The following KNDC1 variants were observed in gnomAD, a reference collection of about 807,000 sequenced individuals.
KNDC1 encodes the protein kinase non-catalytic C-lobe domain containing 1.
In KNDC1, 106 loss-of-function variants were observed where a neutral mutation model predicts 172.8. The ratio of observed to expected loss-of-function variants is 0.61; its 90% CI spans 0.52 to 0.72. KNDC1 has a LOEUF of 0.72. Ranked by LOEUF, KNDC1 falls within the 30% of genes least tolerant of loss-of-function variation. The probability of loss-of-function intolerance (pLI) is 0.00; values close to 1 mark genes in which losing one functional copy is unlikely to be tolerated. For synonymous variants in KNDC1, 1,083 were observed against 1,062.2 expected (o/e 1.02, Z -0.38); for missense variants, 2,325 against 2,394.5 (o/e 0.97, Z 0.61).
At position 133,195,717 on chromosome 10, in the gene KNDC1, C is replaced by G; in HGVS notation, c.1630C>G (p.Pro544Ala). ...VLWTAAKFSVPRNHKLALPRR... is the reference protein window; with the variant it reads ...VLWTAAKFSVARNHKLALPRR... Reference sequence around the variant, plus strand: ...GTGGACCGCAGCCAAGTTCAGCGTCCCCCGCAACCACAAGCTGGCCCTGCC... The same window carrying G: ...GTGGACCGCAGCCAAGTTCAGCGTCGCCCGCAACCACAAGCTGGCCCTGCC... The change falls in exon 10 of 30, where the codon CCC becomes GCC. Residue 544 changes from proline (P) to alanine (A), a missense_variant. Transcript: ENST00000304613. 1 of 1,612,784 alleles carries G rather than the reference C, an allele frequency of 6.2e-7. No homozygotes were observed. The highest frequency in any genetic ancestry group is 8.5e-7 in the Non-Finnish European group (1 of 1,179,770).
rs754313442 is a variant in KNDC1, at chr10:133,167,598, T to TGGC, written c.301+31_301+33dup. The TGGC allele has an allele frequency of 7.7e-6, 12 of 1,558,944 alleles. No individual in the cohort carries two copies. The highest frequency in any genetic ancestry group is 1.4e-5 in the African/African-American group (1 of 73,012). ...CTCAGCGGTGAGGCGGCGGTGGCGG[T>TGGC]GGCGGCGGCGGCGGGCACGCGGGGT... On this transcript the variant is annotated intron_variant, in intron 2 of 29. Coordinates refer to ENST00000304613, the MANE Select transcript of KNDC1 (RefSeq NM_152643.8).
In KNDC1 at chr10:133,186,585, C is replaced by T. The variant is rs1853925874; in HGVS notation, c.1237C>T (p.Arg413Ter). 1.9e-6 allele frequency: 3 copies of T among 1,606,156 alleles called. No individual in the cohort carries two copies. The highest frequency in any genetic ancestry group is 1.7e-6 in the Non-Finnish European group (2 of 1,179,882). ...GCCAGCAGAGGCCCCTGCAGACCCTCGAGATGCTAGCGGTGAAGCCCAGAC... is the reference window on the plus strand; with the variant it reads ...GCCAGCAGAGGCCCCTGCAGACCCTTGAGATGCTAGCGGTGAAGCCCAGAC... The part of the protein sequence containing the change: ...QGPAEAPADP[R>*]DASGEAQTPR... Residue 413 changes from arginine to a stop codon, truncating the protein, a stop_gained, in exon 6 of 30, where the codon CGA (arginine) becomes TGA (stop). Coordinates refer to ENST00000304613, the MANE Select transcript of KNDC1 (RefSeq NM_152643.8). LOFTEE classifies it high-confidence loss of function.
Position 133,181,834 on chromosome 10 carries a change from C to CACACA in KNDC1, c.361-1510_361-1509insACACA, listed in dbSNP as rs1564881077. On this transcript the variant is annotated intron_variant, in intron 3 of 29. Coordinates refer to ENST00000304613, the MANE Select transcript of KNDC1 (RefSeq NM_152643.8). Reference sequence around the variant, plus strand: ...CCAGACCAGGAAGCCCCAGGACCGTCCACACACACACACACACACACACAC... The same window carrying CACACA: ...CCAGACCAGGAAGCCCCAGGACCGTCACACACACACACACACACACACACACACAC... 3.0e-3 allele frequency among the ~76,000 whole-genome samples: 417 copies of CACACA among 138,888 alleles called. 2 individuals carry two copies. The highest frequency in any genetic ancestry group is 7.0e-3 in the African/African-American group (272 of 38,858). The allele number at this position is 138,888 out of a possible 152,430, so 91.1% of individuals were successfully genotyped here.
At position 133,182,722 on chromosome 10, in the gene KNDC1, T is replaced by G. The variant is rs533026863; in HGVS notation, c.361-622T>G. 9.2e-5 allele frequency among the ~76,000 whole-genome samples: 14 copies of G among 152,398 alleles called. No homozygotes were observed. The East Asian group carries it at 2.7e-3, about 29-fold the overall frequency. Reference sequence around the variant, plus strand: ...TCCAGTTTTTGAGGTTTTGAAGTTTTTGACCTAAACACTGAAAGGCCAGAG... The same window carrying G: ...TCCAGTTTTTGAGGTTTTGAAGTTTGTGACCTAAACACTGAAAGGCCAGAG... On this transcript the variant is annotated intron_variant, in intron 3 of 29. Transcript: ENST00000304613.
chr10:133,176,443 G>C lies in KNDC1; in HGVS notation c.361-6901G>C, dbSNP rs1197839362. ...TCAAGGCTGTGGGAATCACTGTTGA[G>C]AGCATGATCCCAGGAGGGTTGTTGC... On this transcript the variant is annotated intron_variant, in intron 3 of 29. Coordinates refer to ENST00000304613, the MANE Select transcript of KNDC1 (RefSeq NM_152643.8). Among the ~76,000 whole-genome samples, 4 of 152,140 alleles carry C rather than the reference G, an allele frequency of 2.6e-5. No homozygotes were observed. In the South Asian group the frequency reaches 8.3e-4, roughly 31 times the overall value.
intron 7 of KNDC1, among the ~76,000 whole-genome samples, chr10:133,188,967 CTG>C (rs1435297182): frequency 6.6e-6 from 1 of 152,046 alleles, no homozygotes; most frequent in Non-Finnish European, 1.5e-5. Flanking sequence ...AAACCGGTGA[CTG>C]TGCCGTAAAG....
intron 17 of KNDC1, chr10:133,202,562 C>T (rs764090072): frequency 6.6e-6 from 3 of 454,536 alleles, no homozygotes; most frequent in Non-Finnish European, 1.3e-5. Flanking sequence ...GGCCCAGTGG[C>T]CATCAGCTCC....
In KNDC1 at chr10:133,224,812, CT is replaced by C; in HGVS notation, c.5174del (p.Phe1725SerfsTer20). 2 of 1,614,164 alleles carry C rather than the reference CT, an allele frequency of 1.2e-6. No homozygotes were observed. The highest frequency in any genetic ancestry group is 1.7e-6 in the Non-Finnish European group (2 of 1,180,046). ...CACTCGCCGCAGATAGCAGGGCCAACTTCCACCAGGTCTCCAGCGAGAAGCA... is the reference window on the plus strand; with the variant it reads ...CACTCGCCGCAGATAGCAGGGCCAACTCCACCAGGTCTCCAGCGAGAAGCA... ...STLAADSRAN[F>X]HQVSSEKHSR... On this transcript the variant is annotated frameshift_variant, in exon 30 of 30. Transcript: ENST00000304613. LOFTEE classifies it high-confidence loss of function. The surrounding 1 kb of genome is among the most constrained non-coding windows in gnomAD (Gnocchi z 5.4).
At chr10:133,188,416 TG>T (rs939367675) in intron 6 of KNDC1, 122 bp from the exon 7 acceptor site, 3 of 629,680 alleles carry the variant, frequency 4.8e-6, no homozygotes, top group Non-Finnish European at 2.8e-6. Context: ...CTATCAGGTG[TG>T]GGGGGCGCCT....
chr10:133,185,327 G>A (rs1388463940), intron 5 of KNDC1, among the ~76,000 whole-genome samples: 2 of 143,592 alleles, frequency 1.4e-5, no homozygotes, highest in African/African-American at 2.6e-5. Context: ...TGTACAGTGT[G>A]GAGTAGGCAG....
chr10:133,198,291 T>C, intron 12 of KNDC1, 46 bp from the exon 13 acceptor site: 1 of 1,501,786 alleles, frequency 6.7e-7, no homozygotes, highest in Non-Finnish European at 8.9e-7. Context: ...CGGCACGTGC[T>C]GGGGCCACTC....
At chr10:133,207,035 T>G in intron 19 of KNDC1, 82 bp downstream of exon 19, 2 of 1,545,880 alleles carry the variant, frequency 1.3e-6, no homozygotes, top group Non-Finnish European at 1.8e-6. Context: ...TGTAAATCTG[T>G]CCGTGTGAAG....
chr10:133,194,381 A>T (rs1429708466), intron 9 of KNDC1, among the ~76,000 whole-genome samples: 1 of 152,162 alleles, frequency 6.6e-6, no homozygotes, highest in African/African-American at 2.4e-5. Context: ...CATATGGCGA[A>T]CCAGGATTTT....
chr10:133,205,619 G>A (rs921699095), intron 17 of KNDC1, among the ~76,000 whole-genome samples: 10 of 152,246 alleles, frequency 6.6e-5, no homozygotes, highest in Non-Finnish European at 1.5e-4. Context: ...AGGGTTTTTG[G>A]GGGCCTCGTC....
intron 5 of KNDC1, 100 bp from the exon 6 acceptor site, chr10:133,185,856 GAGGTGGGAGGGGAGGGGT>G (rs1853885101): frequency 3.8e-4 from 133 of 346,378 alleles, no homozygotes; most frequent in South Asian, 8.7e-4. Flanking sequence ...GGGGAGGGGA[GAGGTGGGAGGGGAGGGGT>G]GGGAGGAGAG....
At chr10:133,187,210 G>A (rs373235745) in intron 6 of KNDC1, among the ~76,000 whole-genome samples, 4 of 152,238 alleles carry the variant, frequency 2.6e-5, no homozygotes, top group Non-Finnish European at 4.4e-5. Flanking sequence ...GCGGCTGCCC[G>A]GACGTGGCCT....
At chr10:133,196,111 G>A (rs1854184312) in intron 10 of KNDC1, among the ~76,000 whole-genome samples, 1 of 152,226 alleles carries the variant, frequency 6.6e-6, no homozygotes, top group South Asian at 2.1e-4. Context: ...TTGTCCAAGA[G>A]GCCAGGGCGG....
Position 133,188,467 on chromosome 10 carries a change from G to A in KNDC1, c.1327-72G>A, listed in dbSNP as rs371829689. ...TGGGCCTCACCCTGGCCTGTCCCCC[G>A]GACATGCCTCTCCAGGCGGCGGGCC... On this transcript the variant is annotated intron_variant, in intron 6 of 29. Transcript: ENST00000304613. 293 of 992,604 alleles carry A rather than the reference G, an allele frequency of 3.0e-4. 2 individuals carry two copies. In the South Asian group the frequency reaches 3.9e-3, roughly 13 times the overall value. The allele number at this position is 992,604 out of a possible 1,614,324, so 61.5% of individuals were successfully genotyped here.
intron 1 of KNDC1, among the ~76,000 whole-genome samples, chr10:133,165,233 C>T (rs950314222): frequency 1.3e-5 from 2 of 152,254 alleles, no homozygotes; most frequent in East Asian, 1.9e-4. Flanking sequence ...AATTCAGACA[C>T]GCCCACCTCT....
Sources: gnomAD v4.1 joint callset for allele counts (sites outside exome capture counted in the v4.1 genomes callset) on GRCh38, gnomAD v4.1.1 for gene constraint, Gnocchi (gnomAD v3.1) non-coding constraint, MANE v1.5 for transcripts, NCBI Gene and HGNC (gene_info 2026-07-23, HGNC 2026-07-21) for gene names.